Variants in ZNF362 observed in about 807,000 individuals in gnomAD.
ZNF362 encodes the protein rotund homolog.
A neutral mutation model predicts 42.9 loss-of-function variants in ZNF362; 11 were observed. The observed-to-expected ratio is 0.26, with a 90% CI of 0.16 to 0.42. ZNF362 has a LOEUF of 0.42. Among genes scored for constraint, ZNF362 ranks in the 20% least tolerant of loss-of-function variants. The pLI is 1.00. For synonymous variants in ZNF362, 255 were observed against 257.3 expected (o/e 0.99, Z 0.09); for missense variants, 362 against 576.2 (o/e 0.63, Z 3.81).
At chr1:33,141,533 A>G in the ZNF362 span, among the ~76,000 whole-genome samples, 1 of 152,184 alleles carries the variant, frequency 6.6e-6, no homozygotes, top group African/African-American at 2.4e-5. Flanking sequence ...AGTTTTGGGA[A>G]GCTCACCAGG....
At chr1:33,276,272 G>C in intron 3 of ZNF362, 76 bp from the exon 4 acceptor site, 1 of 1,563,076 alleles carries the variant, frequency 6.4e-7, no homozygotes, top group Non-Finnish European at 8.7e-7. Context: ...CGAGGGGCTC[G>C]CGGGTGGACC....
chr1:33,297,937 T>G (rs1646137102), intron 8 of ZNF362, among the ~76,000 whole-genome samples: 1 of 152,238 alleles, frequency 6.6e-6, no homozygotes, highest in Non-Finnish European at 1.5e-5. Context: ...CACTGAAGAA[T>G]AGTTTCCTAG....
upstream of ZNF362, among the ~76,000 whole-genome samples, chr1:33,256,333 C>T (rs1417039922): frequency 7.0e-6 from 1 of 143,748 alleles, no homozygotes; most frequent in Non-Finnish European, 1.5e-5. Flanking sequence ...CCCCCGGGGC[C>T]GGACGGGCTG....
chr1:33,226,021 GT>G, the ZNF362 span, among the ~76,000 whole-genome samples: 1 of 151,902 alleles, frequency 6.6e-6, no homozygotes, highest in East Asian at 1.9e-4. Flanking sequence ...ATTGTGATTG[GT>G]TTAGACTGAT....
Position 33,291,988 on chromosome 1 carries a change from A to G in ZNF362, c.909-2949A>G, listed in dbSNP as rs201205974. ...TTGGGCTGAGACGATGGGGTTTTCT[A>G]GATATACAGTCATGTCATCTGCAAA... On this transcript the variant is annotated intron_variant, in intron 6 of 8. Coordinates refer to ENST00000539719, the MANE Select transcript of ZNF362 (RefSeq NM_152493.3). Among the ~76,000 whole-genome samples the G allele has an allele frequency of 7.7e-4, 117 of 152,248 alleles. 1 individual carries two copies. The East Asian group carries it at 0.019, about 25-fold the overall frequency.
chr1:33,127,998 G>A, the ZNF362 span, among the ~76,000 whole-genome samples: 4 of 152,034 alleles, frequency 2.6e-5, no homozygotes, highest in Non-Finnish European at 5.9e-5. Flanking sequence ...GTTACTCTCT[G>A]CCACAGTTTC....
the ZNF362 span, among the ~76,000 whole-genome samples, chr1:33,138,626 CAAAA>C: frequency 7.6e-5 from 5 of 66,098 alleles, no homozygotes; most frequent in African/African-American, 9.4e-5. Flanking sequence ...ACAACAACAA[CAAAA>C]AAAAAAAAAA....
At chr1:33,145,935 C>T in the ZNF362 span, 1 of 470,818 alleles carries the variant, frequency 2.1e-6, no homozygotes, top group East Asian at 6.9e-5. Context: ...AACAGAATCT[C>T]TTGTAAAAAT....
the ZNF362 span, among the ~76,000 whole-genome samples, chr1:33,246,876 C>A: frequency 2.0e-5 from 3 of 152,198 alleles, no homozygotes; most frequent in Admixed American, 6.5e-5. Flanking sequence ...CTGGCTCAAG[C>A]CAGACCAGTG....
At chr1:33,227,870 T>TC in the ZNF362 span, among the ~76,000 whole-genome samples, 1 of 143,890 alleles carries the variant, frequency 6.9e-6, no homozygotes, top group Non-Finnish European at 1.5e-5. Context: ...CTTTTTTTTT[T>TC]CCCACTCAGT....
At chr1:33,172,992 C>G in the ZNF362 span, among the ~76,000 whole-genome samples, 1 of 152,316 alleles carries the variant, frequency 6.6e-6, no homozygotes, top group Admixed American at 6.5e-5. Context: ...AATAGGTGCT[C>G]AAGCCTCTCC....
the ZNF362 span, among the ~76,000 whole-genome samples, chr1:33,189,584 G>A: frequency 5.5e-5 from 8 of 144,726 alleles, no homozygotes; most frequent in South Asian, 1.8e-3. Context: ...CCACACTTCT[G>A]TATCAACTTG....
intron 1 of ZNF362, among the ~76,000 whole-genome samples, chr1:33,258,296 C>G (rs12039350): frequency 0.2 from 30,849 of 152,126 alleles, 3,632 homozygotes; most frequent in South Asian, 0.29. Context: ...CTGGTGCTGT[C>G]CAAGGCACTG....
In ZNF362 at chr1:33,281,845, G is replaced by A. The variant is rs1645996894; in HGVS notation, c.908+34G>A. ...CCTGCCTGCTGCCCTGCTGCAGCCC[G>A]ACTCAGCTCAGCACCCGTGGCCTGG... On this transcript the variant is annotated intron_variant, in intron 6 of 8. Transcript: ENST00000539719. This position sits in a 1 kb window ranked among gnomAD's most constrained non-coding sequence, Gnocchi z 4.8. 6.2e-7 allele frequency: 1 copy of A among 1,608,606 alleles called. No homozygotes were observed. Among genetic ancestry groups the A allele is most frequent in the Non-Finnish European group, 8.5e-7 (1 of 1,175,978 alleles).
the ZNF362 span, among the ~76,000 whole-genome samples, chr1:33,135,151 A>G: frequency 2.0e-5 from 3 of 152,146 alleles, no homozygotes; most frequent in Non-Finnish European, 4.4e-5. Context: ...TTAGCCGGGC[A>G]TGGTGGCACG....
At chr1:33,232,170 G>A in the ZNF362 span, among the ~76,000 whole-genome samples, 1 of 152,132 alleles carries the variant, frequency 6.6e-6, no homozygotes, top group African/African-American at 2.4e-5. Flanking sequence ...TTGGCAAAAG[G>A]CATGCAAGCC....
chr1:33,277,848 G>T (rs1438698945), intron 4 of ZNF362, among the ~76,000 whole-genome samples: 1 of 152,126 alleles, frequency 6.6e-6, no homozygotes, highest in Non-Finnish European at 1.5e-5. Flanking sequence ...TAATGTCAAG[G>T]GGCTGGAGCC....
the ZNF362 span, among the ~76,000 whole-genome samples, chr1:33,222,168 C>T: frequency 6.6e-6 from 1 of 152,126 alleles, no homozygotes. Flanking sequence ...CAAATTAATG[C>T]TGTTTGTATA....
At chr1:33,212,170 G>A in the ZNF362 span, among the ~76,000 whole-genome samples, 2 of 152,254 alleles carry the variant, frequency 1.3e-5, no homozygotes, top group East Asian at 3.9e-4. Context: ...TGTAAGACAT[G>A]CCTGCTTCCC....
Sources: gnomAD v4.1 joint callset for allele counts (sites outside exome capture counted in the v4.1 genomes callset) on GRCh38, gnomAD v4.1.1 for gene constraint, Gnocchi (gnomAD v3.1) non-coding constraint, MANE v1.5 for transcripts, NCBI Gene and HGNC (gene_info 2026-07-23, HGNC 2026-07-21) for gene names.